RYR1: variants seen among roughly 807,000 people sequenced by gnomAD.
RYR1 encodes central core disease of muscle.
Under a neutral mutation model 583.5 loss-of-function variants are expected in RYR1, and 342 were observed. The observed-to-expected ratio is 0.59, with a 90% CI of 0.54 to 0.64. RYR1 has a LOEUF of 0.64. Among genes scored for constraint, RYR1 ranks in the 30% least tolerant of loss-of-function variants. RYR1 has a pLI of 0.00. For missense variants in RYR1, 6,032 were observed against 6,917.2 expected, an observed-to-expected ratio of 0.87 and a Z score of 4.54; for synonymous variants, 2,791 against 2,822.5, an observed-to-expected ratio of 0.99 and a Z score of 0.35.
Position 38,505,836 on chromosome 19 carries a change from G to C in RYR1, c.8431G>C (p.Glu2811Gln). The C allele has an allele frequency of 1.2e-6, 2 of 1,614,142 alleles. No homozygotes were observed. Among genetic ancestry groups the C allele is most frequent in the Non-Finnish European group, 1.7e-6 (2 of 1,180,032 alleles). The stretch of plus-strand genomic sequence containing the variant: ...AGAGATTTACCGCTGGCCCATCAAG[G>C]AGTCCCTGAAGGCCATGATTGCCTG... ...DKEIYRWPIKESLKAMIAWEW... is the reference protein window; with the variant it reads ...DKEIYRWPIKQSLKAMIAWEW... The change falls in exon 54 of 106, where the codon GAG (glutamate) becomes CAG (glutamine). Residue 2811 changes from glutamate to glutamine, a missense_variant. Glu to Gln is a conservative substitution (Grantham distance 29, BLOSUM62 2). Transcript: ENST00000359596.
chr19:38,492,342 C>T, intron 37 of RYR1, 148 bp from the exon 38 acceptor site: 1 of 830,594 alleles, frequency 1.2e-6, no homozygotes, highest in Non-Finnish European at 1.8e-6. Context: ...TCCACTGCAA[C>T]AGAACAAGAC....
chr19:38,528,464 G>A, intron 74 of RYR1, 46 bp downstream of exon 74: 1 of 1,607,206 alleles, frequency 6.2e-7, no homozygotes, highest in Non-Finnish European at 8.5e-7. Flanking sequence ...TGCGGAGAAA[G>A]GGTGGCTGGA....
intron 31 of RYR1, among the ~76,000 whole-genome samples, chr19:38,479,133 A>G (rs1968890608): frequency 6.6e-6 from 1 of 152,206 alleles, no homozygotes; most frequent in Non-Finnish European, 1.5e-5. Context: ...ACCAGTCACC[A>G]ACTTCTCTCC....
At position 38,455,377 on chromosome 19, in the gene RYR1, G is replaced by A. The variant is rs748412415; in HGVS notation, c.1576+7G>A. 1.2e-6 allele frequency: 2 copies of A among 1,613,952 alleles called. No homozygotes were observed. Among genetic ancestry groups the A allele is most frequent in the Non-Finnish European group, 1.7e-6 (2 of 1,180,020 alleles). On this transcript the variant is annotated splice_region_variant and intron_variant, in intron 14 of 105. Coordinates refer to ENST00000359596, the MANE Select transcript of RYR1 (RefSeq NM_000540.3). ...CTTCTCTATGAACTCCTAGGTAGGG[G>A]TCCCAGTCCTGACTCCCCTGAGAAC...
intron 11 of RYR1, among the ~76,000 whole-genome samples, chr19:38,449,871 TG>T (rs1454733693): frequency 6.6e-6 from 1 of 152,164 alleles, no homozygotes; most frequent in Non-Finnish European, 1.5e-5. Flanking sequence ...TTGTGGGCCA[TG>T]GGAGAGGTCT....
chr19:38,469,910 T>A (rs1419349127), intron 27 of RYR1, among the ~76,000 whole-genome samples: 68 of 146,254 alleles, frequency 4.6e-4, no homozygotes, highest in African/African-American at 1.4e-3. Flanking sequence ...CTACAAAAAA[T>A]AAAAAAAAAA....
chr19:38,559,743 G>A (rs188484821), intron 89 of RYR1, among the ~76,000 whole-genome samples: 3 of 152,256 alleles, frequency 2.0e-5, no homozygotes, highest in East Asian at 3.9e-4. Context: ...ACTTTTGAGA[G>A]CCAGAAAATT....
chr19:38,543,792 C>G lies in RYR1; in HGVS notation c.11929C>G (p.Gln3977Glu). ...YIQGPCTGNQ[Q>E]SLAHSRLWDA... ...CCAGGGTCCCTGCACCGGGAACCAGCAGAGCCTGGCGCACAGTCGCCTATG... is the reference window on the plus strand; with the variant it reads ...CCAGGGTCCCTGCACCGGGAACCAGGAGAGCCTGGCGCACAGTCGCCTATG... The change falls in exon 87 of 106, where the codon CAG becomes GAG. Residue 3977 changes from glutamine to glutamate, a missense_variant. Physicochemically the swap from Gln to Glu is conservative, Grantham distance 29. Transcript: ENST00000359596. The surrounding 1 kb of genome is among the most constrained non-coding windows in gnomAD (Gnocchi z 4.4). 1 of 1,613,704 alleles carries G rather than the reference C, an allele frequency of 6.2e-7. No individual in the cohort carries two copies. The highest frequency in any genetic ancestry group is 8.5e-7 in the Non-Finnish European group (1 of 1,180,032).
chr19:38,473,844 T>C, intron 28 of RYR1, 73 bp downstream of exon 28: 1 of 1,155,614 alleles, frequency 8.7e-7, no homozygotes, highest in Admixed American at 2.9e-5. Context: ...CACAGTAACC[T>C]GAGAAACCCC....
chr19:38,457,666 C>T, intron 17 of RYR1, 36 bp downstream of exon 17: 1 of 1,599,666 alleles, frequency 6.3e-7, no homozygotes, highest in Non-Finnish European at 8.6e-7. Flanking sequence ...GAACTCAGAA[C>T]CTCTCAACCC....
Position 38,444,581 on chromosome 19 carries a change from C to G in RYR1, c.538-3C>G, listed in dbSNP as rs1164560633. ...CTGACTGCCGCATCCTGGTGGCCCC[C>G]AGCACCTGTCGACCGCCAGTGGGGA... On this transcript the variant is annotated splice_polypyrimidine_tract_variant and splice_region_variant and intron_variant, in intron 6 of 105. Coordinates refer to ENST00000359596, the MANE Select transcript of RYR1 (RefSeq NM_000540.3). This position sits in a 1 kb window ranked among gnomAD's most constrained non-coding sequence, Gnocchi z 5.1. The G allele has an allele frequency of 6.2e-7, 1 of 1,613,234 alleles. No homozygotes were observed. Among genetic ancestry groups the G allele is most frequent in the Non-Finnish European group, 8.5e-7 (1 of 1,179,608 alleles).
At chr19:38,465,866 GC>G (rs1568461405) in intron 23 of RYR1, among the ~76,000 whole-genome samples, 1 of 152,200 alleles carries the variant, frequency 6.6e-6, no homozygotes. Context: ...GACAAAGGGG[GC>G]TAGAGGTCAT....
At chr19:38,472,067 G>A (rs999036648) in intron 27 of RYR1, among the ~76,000 whole-genome samples, 5 of 151,976 alleles carry the variant, frequency 3.3e-5, no homozygotes, top group African/African-American at 7.2e-5. Context: ...ATTGTTTACC[G>A]AGTCTCTAGG....
Position 38,561,274 on chromosome 19 carries a change from C to T in RYR1, c.12444C>T (p.Asn4148=), listed in dbSNP as rs1355765692. 3.1e-6 allele frequency: 5 copies of T among 1,613,946 alleles called. No individual in the cohort carries two copies. Among genetic ancestry groups the T allele is most frequent in the African/African-American group, 1.3e-5 (1 of 74,940 alleles). ...IGFNVAVLLT[N]LSEHVPHDPR... is the part of the protein sequence containing the mutation. ...TCAACGTGGCGGTGCTGCTGACCAA[C>T]CTGTCGGAGCATGTGCCGCATGACC... The change falls in exon 90 of 106, where the codon AAC becomes AAT. Residue 4148 remains asparagine, a synonymous_variant. Transcript: ENST00000359596. The surrounding 1 kb of genome is among the most constrained non-coding windows in gnomAD (Gnocchi z 4.8).
chr19:38,480,720 A>G (rs970406548), intron 31 of RYR1, among the ~76,000 whole-genome samples: 3 of 151,940 alleles, frequency 2.0e-5, no homozygotes, highest in Admixed American at 1.3e-4. Context: ...AAGTAGGGTC[A>G]TATATTTTAT....
At chr19:38,562,298 T>G (rs983605500) in intron 90 of RYR1, among the ~76,000 whole-genome samples, 3 of 152,168 alleles carry the variant, frequency 2.0e-5, no homozygotes, top group East Asian at 3.9e-4. Flanking sequence ...ACACACTCGC[T>G]TGCCCCAAGG....
rs1001322914 is a variant in RYR1 at position 38,499,393 on chromosome 19, C to T, written c.7027+150C>T. The stretch of plus-strand genomic sequence containing the variant: ...CTGGGGCTGGCAGGGGCCTGTGTTA[C>T]CCCTGGAGGTGTTGGGTCCTGTGGC... On this transcript the variant is annotated intron_variant, in intron 43 of 105. Coordinates refer to ENST00000359596, the MANE Select transcript of RYR1 (RefSeq NM_000540.3). This position sits in a 1 kb window ranked among gnomAD's most constrained non-coding sequence, Gnocchi z 7.3. 11 of 1,353,412 alleles carry T rather than the reference C, an allele frequency of 8.1e-6. No homozygotes were observed. Among genetic ancestry groups the T allele is most frequent in the African/African-American group, 5.7e-5 (4 of 69,964 alleles). The allele number at this position is 1,353,412 out of a possible 1,614,324, so 83.8% of individuals were successfully genotyped here.
intron 90 of RYR1, among the ~76,000 whole-genome samples, chr19:38,564,399 C>T (rs1973289830): frequency 6.6e-6 from 1 of 152,222 alleles, no homozygotes. Flanking sequence ...GTGGCAGGCG[C>T]CTGTAATCCC....
rs575992047 is a variant in RYR1, at chr19:38,497,247, G to A, written c.6891+293G>A. ...GCACTCTAACTTCCAGGCTGGGGGC[G>A]GATCCGCAGTCTACACTTCCGGGCT... On this transcript the variant is annotated intron_variant, in intron 42 of 105. Coordinates refer to ENST00000359596, the MANE Select transcript of RYR1 (RefSeq NM_000540.3). 5.7e-3 allele frequency among the ~76,000 whole-genome samples: 850 copies of A among 149,754 alleles called. 6 individuals carry two copies. The highest frequency in any genetic ancestry group is 9.9e-3 in the Non-Finnish European group (673 of 67,698).
Sources: gnomAD v4.1 joint callset for allele counts (sites outside exome capture counted in the v4.1 genomes callset) on GRCh38, gnomAD v4.1.1 for gene constraint, Gnocchi (gnomAD v3.1) non-coding constraint, MANE v1.5 for transcripts, NCBI Gene and HGNC (gene_info 2026-07-23, HGNC 2026-07-21) for gene names.